Variants in C3orf70 observed in about 807,000 individuals in gnomAD.
C3orf70 encodes the protein chromosome 3 open reading frame 70.
In C3orf70, 15 loss-of-function variants were observed where a neutral mutation model predicts 20.7. That is an observed-to-expected ratio of 0.72 (90% CI 0.48 to 1.11). The LOEUF is 1.11. C3orf70 is among the 50% of genes most tolerant of loss of function. C3orf70 has a pLI of 0.00. For missense variants in C3orf70, 332 were observed against 317.6 expected (o/e 1.05, Z -0.34); for synonymous variants, 161 against 125.7 (o/e 1.28, Z -1.88).
At chr3:185,120,033 A>AAAAAAAAGAAAG (rs55921240) in intron 1 of C3orf70, among the ~76,000 whole-genome samples, 1 of 100,750 alleles carries the variant, frequency 9.9e-6, no homozygotes, top group Non-Finnish European at 1.8e-5. Flanking sequence ...AAAAAAAAAA[A>AAAAAAAAGAAAG]AAAAAGAAAA....
chr3:185,117,442 C>G, intron 1 of C3orf70, among the ~76,000 whole-genome samples: 1 of 139,324 alleles, frequency 7.2e-6, no homozygotes. Flanking sequence ...CACACACACA[C>G]ACACACACAG....
intron 1 of C3orf70, among the ~76,000 whole-genome samples, chr3:185,092,584 TTACACTCTAGGACAG>T (rs1277719876): frequency 1.3e-5 from 2 of 152,196 alleles, no homozygotes; most frequent in African/African-American, 2.4e-5. Flanking sequence ...CTCATGGAGC[TTACACTCTAGGACAG>T]TATGCATACT....
chr3:185,125,023 G>C (rs1486663162), intron 1 of C3orf70, among the ~76,000 whole-genome samples: 1 of 152,056 alleles, frequency 6.6e-6, no homozygotes, highest in Non-Finnish European at 1.5e-5. Flanking sequence ...TGCTGGCAAG[G>C]ATGTAGAGCA....
At chr3:185,109,487 G>A (rs970046032) in intron 1 of C3orf70, among the ~76,000 whole-genome samples, 4 of 152,030 alleles carry the variant, frequency 2.6e-5, no homozygotes, top group Admixed American at 2.0e-4. Flanking sequence ...ATGCTGAGGA[G>A]GACCCCAACT....
chr3:185,115,143 C>G (rs772700102), intron 1 of C3orf70, among the ~76,000 whole-genome samples: 5 of 151,698 alleles, frequency 3.3e-5, no homozygotes, highest in Non-Finnish European at 7.4e-5. Flanking sequence ...GGATGGTACT[C>G]TGGCATATAT....
chr3:185,097,550 G>A (rs1330093999), intron 1 of C3orf70, among the ~76,000 whole-genome samples: 3 of 152,166 alleles, frequency 2.0e-5, no homozygotes, highest in African/African-American at 7.2e-5. Context: ...CTTCATAATA[G>A]ATGAACACAT....
At chr3:185,094,085 T>TTC (rs1233609390) in intron 1 of C3orf70, among the ~76,000 whole-genome samples, 3 of 143,380 alleles carry the variant, frequency 2.1e-5, no homozygotes, top group Non-Finnish European at 4.6e-5. Flanking sequence ...TTTTTTTTTT[T>TTC]TTTTTTTTTT....
intron 1 of C3orf70, among the ~76,000 whole-genome samples, chr3:185,094,816 TAGAAA>T (rs1715668117): frequency 6.6e-6 from 1 of 152,128 alleles, no homozygotes; most frequent in Non-Finnish European, 1.5e-5. Flanking sequence ...AGTTATTGGT[TAGAAA>T]AGAGAGCTGA....
intron 1 of C3orf70, among the ~76,000 whole-genome samples, chr3:185,094,429 T>C (rs1486553620): frequency 2.0e-5 from 3 of 152,164 alleles, no homozygotes; most frequent in Non-Finnish European, 2.9e-5. Context: ...TTCCCAGGTA[T>C]TTTTAATTAA....
chr3:185,114,209 A>G (rs1343757728), intron 1 of C3orf70, among the ~76,000 whole-genome samples: 3 of 152,136 alleles, frequency 2.0e-5, no homozygotes, highest in Non-Finnish European at 4.4e-5. Context: ...CCACCCCCCA[A>G]AAAAAGAAAA....
chr3:185,110,038 T>C (rs1716038089), intron 1 of C3orf70, among the ~76,000 whole-genome samples: 1 of 152,056 alleles, frequency 6.6e-6, no homozygotes, highest in Non-Finnish European at 1.5e-5. Context: ...AACAAAACGG[T>C]CGGATGGCAG....
chr3:185,115,089 A>C (rs533091990), intron 1 of C3orf70, among the ~76,000 whole-genome samples: 1 of 152,288 alleles, frequency 6.6e-6, no homozygotes, highest in Admixed American at 6.5e-5. Context: ...ATAAATGCTC[A>C]GGTCCTACTT....
intron 1 of C3orf70, among the ~76,000 whole-genome samples, chr3:185,105,294 T>C (rs892607984): frequency 6.6e-6 from 1 of 152,230 alleles, no homozygotes; most frequent in African/African-American, 2.4e-5. Context: ...ATGTTCATGA[T>C]GGTCATAACA....
At chr3:185,129,311 T>C (rs9866812) in intron 1 of C3orf70, among the ~76,000 whole-genome samples, 3,270 of 152,322 alleles carry the variant, frequency 0.021, 96 homozygotes, top group African/African-American at 0.074. Flanking sequence ...CACTTACAAG[T>C]GAGAACATGC....
At chr3:185,106,453 G>GA (rs556481924) in intron 1 of C3orf70, among the ~76,000 whole-genome samples, 164 of 152,144 alleles carry the variant, frequency 1.1e-3, no homozygotes, top group African/African-American at 3.7e-3. Flanking sequence ...AAAGAATGTG[G>GA]AAAAAATCAG....
At chr3:185,125,025 T>C (rs1268455845) in intron 1 of C3orf70, among the ~76,000 whole-genome samples, 2 of 152,100 alleles carry the variant, frequency 1.3e-5, no homozygotes, top group East Asian at 1.9e-4. Flanking sequence ...CTGGCAAGGA[T>C]GTAGAGCAAC....
intron 1 of C3orf70, among the ~76,000 whole-genome samples, chr3:185,119,344 A>G (rs1716244390): frequency 6.6e-6 from 1 of 152,194 alleles, no homozygotes; most frequent in Non-Finnish European, 1.5e-5. Flanking sequence ...TATGTTATAT[A>G]TGGCACTTGA....
At chr3:185,109,931 T>C (rs947244816) in intron 1 of C3orf70, among the ~76,000 whole-genome samples, 6 of 152,222 alleles carry the variant, frequency 3.9e-5, no homozygotes, top group South Asian at 4.1e-4. Flanking sequence ...CAACGATTCC[T>C]ATGGAATCAT....
chr3:185,085,214 T>A (rs779779338), intron 1 of C3orf70, among the ~76,000 whole-genome samples: 1 of 152,204 alleles, frequency 6.6e-6, no homozygotes, highest in Non-Finnish European at 1.5e-5. Context: ...TTTGTCAGAC[T>A]GGAAATCCTA....
Sources: allele counts gnomAD v4.1 joint callset (sites outside exome capture counted in the v4.1 genomes callset), GRCh38; gene constraint gnomAD v4.1.1; transcripts MANE v1.5; gene names NCBI Gene and HGNC (gene_info 2026-07-23, HGNC 2026-07-21).